The following CSMD1 variants were observed in gnomAD, a reference collection of about 807,000 sequenced individuals.
CSMD1 encodes CUB and Sushi multiple domains 1.
Under a neutral mutation model 417.5 loss-of-function variants are expected in CSMD1, and 213 were observed. That is an observed-to-expected ratio of 0.51 (90% CI 0.46 to 0.57). The LOEUF (loss-of-function observed/expected upper bound fraction) is 0.57, where lower values mean the gene tolerates loss of function less well. Ranked by LOEUF, CSMD1 falls within the 20% of genes least tolerant of loss-of-function variation. The pLI is 0.00. For missense variants in CSMD1, 6,923 were observed against 4,529.7 expected (o/e 1.53, Z -15.17); for synonymous variants, 2,862 against 1,736.8 (o/e 1.65, Z -16.11).
At chr8:3,948,690 CCACCA>C (rs1811406452) in intron 5 of CSMD1, among the ~76,000 whole-genome samples, 5 of 152,078 alleles carry the variant, frequency 3.3e-5, no homozygotes, top group Admixed American at 3.3e-4. Context: ...GAGTTCTATT[CCACCA>C]ACTTAATAAT....
At chr8:4,385,113 G>C (rs1053803122) in intron 3 of CSMD1, among the ~76,000 whole-genome samples, 17 of 152,094 alleles carry the variant, frequency 1.1e-4, no homozygotes, top group Non-Finnish European at 2.1e-4. Context: ...TTTTAGAAGA[G>C]ACGGTGTTTC....
At chr8:3,935,268 A>C (rs1306544735) in intron 5 of CSMD1, among the ~76,000 whole-genome samples, 2 of 152,176 alleles carry the variant, frequency 1.3e-5, no homozygotes, top group East Asian at 1.9e-4. Flanking sequence ...ATATGAAAGA[A>C]TTTTCATAGA....
intron 3 of CSMD1, among the ~76,000 whole-genome samples, chr8:4,182,415 C>T (rs1584974416): frequency 6.6e-6 from 1 of 152,074 alleles, no homozygotes; most frequent in Non-Finnish European, 1.5e-5. Context: ...AAATGCTGAA[C>T]CTGCCCAGCC....
intron 2 of CSMD1, among the ~76,000 whole-genome samples, chr8:4,431,562 C>T (rs541921776): frequency 1.1e-4 from 17 of 152,216 alleles, no homozygotes; most frequent in African/African-American, 4.1e-4. Flanking sequence ...CAGCCCCGGC[C>T]CCATTTCAAA....
intron 26 of CSMD1, among the ~76,000 whole-genome samples, chr8:3,248,054 A>G (rs546565840): frequency 6.6e-6 from 1 of 152,192 alleles, no homozygotes; most frequent in Non-Finnish European, 1.5e-5. Context: ...CCGGCTGTGC[A>G]AAGTGGCTCA....
chr8:3,817,246 C>A (rs1801429203), intron 5 of CSMD1, among the ~76,000 whole-genome samples: 1 of 83,124 alleles, frequency 1.2e-5, no homozygotes, highest in Non-Finnish European at 2.4e-5. Flanking sequence ...GTCATATCTT[C>A]TTCTTCTTTT....
chr8:4,346,497 T>G (rs1584934313), intron 3 of CSMD1, among the ~76,000 whole-genome samples: 2 of 152,156 alleles, frequency 1.3e-5, no homozygotes, highest in South Asian at 2.1e-4. Flanking sequence ...GATAGCCTCA[T>G]GACATTATTG....
chr8:4,641,871 A>G lies in CSMD1; in HGVS notation c.86-4313T>C, dbSNP rs978220003. Among the ~76,000 whole-genome samples the G allele has an allele frequency of 3.3e-5, 5 of 152,228 alleles. No individual in the cohort carries two copies. In the East Asian group the frequency reaches 9.6e-4, roughly 29 times the overall value. ...TGAAGGAAAAAAAAGTGAAAGTATT[A>G]AGTAGCAATTGGAAACATAAACATC... On this transcript the variant is annotated intron_variant, in intron 1 of 69. Transcript: ENST00000635120.
In CSMD1 at chr8:4,350,886, G is replaced by C. The variant is rs1166438960; in HGVS notation, c.415+69067C>G. Among the ~76,000 whole-genome samples, 3 of 152,222 alleles carry C rather than the reference G, an allele frequency of 2.0e-5. No individual in the cohort carries two copies. In the East Asian group the frequency reaches 5.8e-4, roughly 29 times the overall value. On this transcript the variant is annotated intron_variant, in intron 3 of 69. Transcript: ENST00000635120. ...CTAGTTCCGGTGGATGGAGGGGAAA[G>C]GATGTGCATTCTAAGGTGGGCCGTG...
At chr8:2,962,340 T>C (rs939308916) in intron 61 of CSMD1, 126 bp downstream of exon 61, 2 of 806,384 alleles carry the variant, frequency 2.5e-6, no homozygotes, top group South Asian at 2.0e-5. Context: ...CAAAAATTAT[T>C]ACCTTGTACA....
At chr8:3,534,313 G>A (rs988397272) in intron 10 of CSMD1, among the ~76,000 whole-genome samples, 15 of 152,086 alleles carry the variant, frequency 9.9e-5, no homozygotes, top group Admixed American at 9.8e-4. Flanking sequence ...TTACCTTGAT[G>A]TAAGCTCCTT....
At chr8:3,040,745 G>C (rs1238479348) in intron 50 of CSMD1, among the ~76,000 whole-genome samples, 4 of 152,128 alleles carry the variant, frequency 2.6e-5, no homozygotes, top group Admixed American at 2.0e-4. Context: ...AGAGGTTAGA[G>C]CGAGTTGAGA....
chr8:4,386,781 G>C (rs1391869499), intron 3 of CSMD1, among the ~76,000 whole-genome samples: 1 of 152,174 alleles, frequency 6.6e-6, no homozygotes, highest in Admixed American at 6.5e-5. Flanking sequence ...GGTTTCAGTT[G>C]AAGAGATACA....
At chr8:4,898,698 G>T (rs1205018989) in intron 1 of CSMD1, among the ~76,000 whole-genome samples, 3 of 152,070 alleles carry the variant, frequency 2.0e-5, no homozygotes, top group Admixed American at 1.3e-4. Flanking sequence ...AAACGAAATG[G>T]AATAGATTTT....
intron 5 of CSMD1, among the ~76,000 whole-genome samples, chr8:3,807,380 C>G (rs116733331): frequency 0.015 from 2,300 of 152,064 alleles, 59 homozygotes; most frequent in African/African-American, 0.052. Flanking sequence ...TTCCCAAGCC[C>G]TTTATAGAAA....
intron 63 of CSMD1, 25 bp downstream of exon 63, chr8:2,957,671 T>C (rs1311710530): frequency 8.0e-6 from 11 of 1,380,064 alleles, no homozygotes; most frequent in African/African-American, 2.9e-5. Flanking sequence ...TGACTTGTGA[T>C]GGGGGTGGAA....
chr8:4,262,922 T>C (rs1043427175), intron 3 of CSMD1, among the ~76,000 whole-genome samples: 24 of 152,276 alleles, frequency 1.6e-4, no homozygotes, highest in African/African-American at 4.3e-4. Context: ...AAATTAATGA[T>C]GAACCATAAG....
intron 2 of CSMD1, among the ~76,000 whole-genome samples, chr8:4,437,252 G>A (rs1471335833): frequency 6.6e-6 from 1 of 152,162 alleles, no homozygotes; most frequent in East Asian, 1.9e-4. Flanking sequence ...CTGAAATTAG[G>A]CAGTAGAGAA....
chr8:3,797,976 G>C (rs568380490), intron 5 of CSMD1, among the ~76,000 whole-genome samples: 1 of 151,820 alleles, frequency 6.6e-6, no homozygotes, highest in Non-Finnish European at 1.5e-5. Flanking sequence ...ATCTCATTGC[G>C]GTTTCAACGT....
Sources: allele counts gnomAD v4.1 joint callset (sites outside exome capture counted in the v4.1 genomes callset), GRCh38; gene constraint gnomAD v4.1.1; transcripts MANE v1.5; gene names NCBI Gene and HGNC (gene_info 2026-07-23, HGNC 2026-07-21).